Variants in DRC9 observed in about 807,000 individuals in gnomAD.
DRC9 encodes the protein dynein regulatory complex protein 9.
the DRC9 span, chr3:197,889,366 C>CTAAG: frequency 1.7e-4 from 102 of 591,234 alleles, no homozygotes; most frequent in African/African-American, 1.8e-3. Flanking sequence ...TGAGGAAGCC[C>CTAAG]TAAGTCAATG....
the DRC9 span, chr3:197,950,440 C>T: frequency 1.3e-5 from 9 of 704,814 alleles, no homozygotes; most frequent in Non-Finnish European, 1.5e-5. Flanking sequence ...CAGTTAAATT[C>T]CTGGGCCTGA....
chr3:197,891,709 CA>C, the DRC9 span, among the ~76,000 whole-genome samples: 3 of 152,148 alleles, frequency 2.0e-5, no homozygotes, highest in Non-Finnish European at 4.4e-5. Flanking sequence ...TAAATATTCA[CA>C]TATTAACTTT....
chr3:197,955,245 T>G, the DRC9 span, among the ~76,000 whole-genome samples: 1 of 152,088 alleles, frequency 6.6e-6, no homozygotes, highest in Non-Finnish European at 1.5e-5. Flanking sequence ...CAAAATTAAA[T>G]GTACCTTCAG....
the DRC9 span, chr3:197,953,369 G>C: frequency 1.1e-5 from 5 of 450,546 alleles, no homozygotes; most frequent in Admixed American, 9.5e-5. Flanking sequence ...AGACAACCCC[G>C]TGGTCTTTAA....
At chr3:197,953,965 T>G in the DRC9 span, 1 of 1,610,644 alleles carries the variant, frequency 6.2e-7, no homozygotes, top group Non-Finnish European at 8.5e-7. Flanking sequence ...TCCAACTATA[T>G]CAGCTTGTAT....
chr3:197,958,775 G>A, the DRC9 span: 1 of 152,190 alleles, frequency 6.6e-6, no homozygotes, highest in Non-Finnish European at 1.5e-5. Flanking sequence ...AATAATAAAT[G>A]TATGTTTTTA....
chr3:197,950,120 G>C, the DRC9 span: 1 of 1,231,568 alleles, frequency 8.1e-7, no homozygotes, highest in Non-Finnish European at 1.0e-6. Context: ...GGCGTTTGGA[G>C]AAGATGCCTA....
chr3:197,915,253 A>AG, the DRC9 span, among the ~76,000 whole-genome samples: 1 of 150,930 alleles, frequency 6.6e-6, no homozygotes, highest in African/African-American at 2.4e-5. Flanking sequence ...AAAAAAAAAA[A>AG]AGAATAAGTA....
the DRC9 span, chr3:197,949,470 T>A: frequency 6.6e-6 from 1 of 152,088 alleles, no homozygotes; most frequent in African/African-American, 2.4e-5. Flanking sequence ...AAAAGAAGAA[T>A]GGAGGTAAGA....
chr3:197,950,572 C>G, the DRC9 span: 16 of 334,664 alleles, frequency 4.8e-5, no homozygotes, highest in African/African-American at 3.2e-4. Context: ...CTCAGCTTTT[C>G]TCCCCCAGCC....
the DRC9 span, chr3:197,943,883 T>G: frequency 6.2e-7 from 1 of 1,614,162 alleles, no homozygotes; most frequent in Non-Finnish European, 8.5e-7. Context: ...TCAGCACATC[T>G]GGAAGGGACA....
chr3:197,927,595 G>A, the DRC9 span, among the ~76,000 whole-genome samples: 2 of 152,146 alleles, frequency 1.3e-5, no homozygotes, highest in Non-Finnish European at 2.9e-5. Flanking sequence ...ACAAACTATA[G>A]ATTATGTACT....
At chr3:197,941,038 T>C in the DRC9 span, among the ~76,000 whole-genome samples, 1 of 151,838 alleles carries the variant, frequency 6.6e-6, no homozygotes, top group Non-Finnish European at 1.5e-5. Flanking sequence ...TGATATTCCA[T>C]GATGGCAAAT....
the DRC9 span, chr3:197,958,675 C>CT: frequency 6.6e-6 from 1 of 152,222 alleles, no homozygotes; most frequent in Non-Finnish European, 1.5e-5. Flanking sequence ...ACGGTTGAGA[C>CT]TTTAACTCGA....
chr3:197,934,489 G>A, the DRC9 span, among the ~76,000 whole-genome samples: 1 of 151,534 alleles, frequency 6.6e-6, no homozygotes, highest in African/African-American at 2.4e-5. Context: ...CCGGCCAAAC[G>A]TTCACATTTT....
the DRC9 span, among the ~76,000 whole-genome samples, chr3:197,897,422 A>G: frequency 1.3e-5 from 2 of 152,146 alleles, no homozygotes; most frequent in Non-Finnish European, 2.9e-5. Flanking sequence ...GGTTCTGTTT[A>G]TTTATATTTG....
chr3:197,959,024 T>G, the DRC9 span: 2 of 152,242 alleles, frequency 1.3e-5, no homozygotes, highest in Admixed American at 1.3e-4. Context: ...CTGGCCAACG[T>G]GGTGAAACTA....
At chr3:197,934,823 T>TAA in the DRC9 span, among the ~76,000 whole-genome samples, 2 of 89,202 alleles carry the variant, frequency 2.2e-5, no homozygotes, top group African/African-American at 4.3e-5. Flanking sequence ...TCACAAAAAT[T>TAA]AAAAAAAAAA....
At chr3:197,948,380 T>C in the DRC9 span, among the ~76,000 whole-genome samples, 1 of 152,228 alleles carries the variant, frequency 6.6e-6, no homozygotes, top group Non-Finnish European at 1.5e-5. Flanking sequence ...ATGCCACTAC[T>C]TTCCCGCAGA....
Sources: allele counts gnomAD v4.1 joint callset (sites outside exome capture counted in the v4.1 genomes callset), GRCh38; gene constraint gnomAD v4.1.1; transcripts MANE v1.5; gene names NCBI Gene and HGNC (gene_info 2026-07-23, HGNC 2026-07-21).